Variants in EPHA7 observed in about 807,000 individuals in gnomAD.
EPHA7 encodes the protein EPH receptor A7, also known as ephrin type-A receptor 7.
EPHA7 carries 25 observed loss-of-function variants against 112.6 expected under a neutral mutation model. The ratio of observed to expected loss-of-function variants is 0.22; its 90% CI spans 0.16 to 0.31. The LOEUF (loss-of-function observed/expected upper bound fraction) is 0.31. Among genes scored for constraint, EPHA7 ranks in the 10% least tolerant of loss-of-function variants. The pLI is 1.00. For missense variants in EPHA7, 962 were observed against 1,212.6 expected, an observed-to-expected ratio of 0.79 and a Z score of 3.07; for synonymous variants, 437 against 406.5, an observed-to-expected ratio of 1.07 and a Z score of -0.90.
intron 5 of EPHA7, among the ~76,000 whole-genome samples, chr6:93,297,468 T>C (rs1772730474): frequency 6.6e-6 from 1 of 152,166 alleles, no homozygotes; most frequent in Non-Finnish European, 1.5e-5. Flanking sequence ...CCACATTTCA[T>C]AAGAATAAGT....
intron 5 of EPHA7, among the ~76,000 whole-genome samples, chr6:93,348,448 A>C (rs1328358970): frequency 6.6e-6 from 1 of 151,884 alleles, no homozygotes; most frequent in Non-Finnish European, 1.5e-5. Context: ...TCAATGTTAT[A>C]TAAAAGATAT....
intron 7 of EPHA7, among the ~76,000 whole-genome samples, chr6:93,266,035 T>C (rs889296442): frequency 1.3e-5 from 2 of 151,646 alleles, no homozygotes; most frequent in Non-Finnish European, 3.0e-5. Context: ...ATACACATTC[T>C]CTAATTTATC....
chr6:93,397,136 T>C (rs528436989), intron 3 of EPHA7, among the ~76,000 whole-genome samples: 1 of 151,842 alleles, frequency 6.6e-6, no homozygotes, highest in African/African-American at 2.4e-5. Context: ...GTATACTTAC[T>C]AAGGTGGAGA....
chr6:93,277,065 T>C (rs190083858), intron 5 of EPHA7, among the ~76,000 whole-genome samples: 1 of 152,186 alleles, frequency 6.6e-6, no homozygotes, highest in Admixed American at 6.5e-5. Context: ...ATCTCTGGAA[T>C]ACAGTCAAGG....
At chr6:93,304,862 G>C (rs1326315518) in intron 5 of EPHA7, among the ~76,000 whole-genome samples, 1 of 151,962 alleles carries the variant, frequency 6.6e-6, no homozygotes, top group Admixed American at 6.6e-5. Context: ...GTTCTGTTTG[G>C]AAGATTCTTT....
chr6:93,395,049 T>C (rs1241525666), intron 3 of EPHA7, among the ~76,000 whole-genome samples: 1 of 151,824 alleles, frequency 6.6e-6, no homozygotes, highest in African/African-American at 2.4e-5. Context: ...TACAGTACTA[T>C]GGAAAATCCT....
intron 3 of EPHA7, among the ~76,000 whole-genome samples, chr6:93,363,745 C>T (rs1339318232): frequency 6.6e-6 from 1 of 152,130 alleles, no homozygotes; most frequent in African/African-American, 2.4e-5. Flanking sequence ...AACATACATG[C>T]ACACAAAAAC....
At chr6:93,413,583 T>C (rs1433256943) in intron 2 of EPHA7, among the ~76,000 whole-genome samples, 3 of 151,946 alleles carry the variant, frequency 2.0e-5, no homozygotes, top group African/African-American at 7.2e-5. Flanking sequence ...AAAGGTGTTA[T>C]ATTCATACCT....
chr6:93,295,120 G>A (rs1053267669), intron 5 of EPHA7, among the ~76,000 whole-genome samples: 14 of 151,834 alleles, frequency 9.2e-5, no homozygotes, highest in Admixed American at 9.2e-4. Context: ...GGGAGAGAGA[G>A]AGAGATCAAC....
intron 5 of EPHA7, among the ~76,000 whole-genome samples, chr6:93,300,210 T>C (rs370824464): frequency 6.6e-6 from 1 of 152,178 alleles, no homozygotes; most frequent in East Asian, 1.9e-4. Context: ...TGCTTAAATA[T>C]ACATGATTAA....
At chr6:93,261,777 A>G (rs1281881644) in intron 9 of EPHA7, among the ~76,000 whole-genome samples, 1 of 151,640 alleles carries the variant, frequency 6.6e-6, no homozygotes, top group East Asian at 1.9e-4. Context: ...TATCTTGTCT[A>G]TATTAGCAAG....
intron 5 of EPHA7, among the ~76,000 whole-genome samples, chr6:93,316,391 A>G (rs868576909): frequency 6.6e-6 from 1 of 152,178 alleles, no homozygotes; most frequent in Non-Finnish European, 1.5e-5. Context: ...ATTTACTTGT[A>G]GAATCAACCT....
chr6:93,241,948 TG>T lies in EPHA7; in HGVS notation c.*1477del. ...AACAAGACCAATTATGACCGATCCC[TG>T]GGATCTTTCTCTATTAAAATCATTA... On this transcript the variant is annotated 3_prime_UTR_variant, in exon 17 of 17. Transcript: ENST00000369303. 4.6e-6 allele frequency: 1 copy of T among 215,356 alleles called. No individual in the cohort carries two copies. The highest frequency in any genetic ancestry group is 9.4e-6 in the Non-Finnish European group (1 of 106,518). The allele number at this position is 215,356 out of a possible 1,614,324, so 13.3% of individuals were successfully genotyped here. A position where few individuals can be genotyped will look rare whatever the true frequency, so the allele number is the denominator to read the frequency against.
At chr6:93,322,333 G>A (rs1488046996) in intron 5 of EPHA7, among the ~76,000 whole-genome samples, 1 of 151,598 alleles carries the variant, frequency 6.6e-6, no homozygotes, top group Non-Finnish European at 1.5e-5. Context: ...TTAAAATTTA[G>A]GAAGAAATAT....
intron 5 of EPHA7, among the ~76,000 whole-genome samples, chr6:93,346,736 T>G (rs1775424402): frequency 6.6e-6 from 1 of 151,816 alleles, no homozygotes; most frequent in South Asian, 2.1e-4. Context: ...AAAGAGCATG[T>G]GGTCCAGTTA....
Position 93,240,192 on chromosome 6 carries a change from C to T in EPHA7, c.*3234G>A. ...GTAGTATTTCTTAGGCAAGGAGGGA[C>T]AAATTCAACCAACGAAAAGCACATC... On this transcript the variant is annotated 3_prime_UTR_variant, in exon 17 of 17. Coordinates refer to ENST00000369303, the MANE Select transcript of EPHA7 (RefSeq NM_004440.4). 1 of 223,230 alleles carries T rather than the reference C, an allele frequency of 4.5e-6. No homozygotes were observed. The allele number at this position is 223,230 out of a possible 1,614,324, so 13.8% of individuals were successfully genotyped here.
intron 7 of EPHA7, among the ~76,000 whole-genome samples, chr6:93,268,709 A>T (rs1175733568): frequency 6.6e-6 from 1 of 151,746 alleles, no homozygotes; most frequent in East Asian, 1.9e-4. Context: ...CTGACAGCAA[A>T]TGGGGACATC....
intron 5 of EPHA7, among the ~76,000 whole-genome samples, chr6:93,301,337 T>G (rs552447027): frequency 6.6e-6 from 1 of 152,288 alleles, no homozygotes; most frequent in East Asian, 1.9e-4. Context: ...TAGATATCTA[T>G]TACTTAAAAT....
Position 93,258,109 on chromosome 6 carries a change from A to G in EPHA7, c.2100T>C (p.Val700=), listed in dbSNP as rs751802966. 1 of 1,612,888 alleles carries G rather than the reference A, an allele frequency of 6.2e-7. No individual in the cohort carries two copies. The highest frequency in any genetic ancestry group is 8.5e-7 in the Non-Finnish European group (1 of 1,179,386). Residue 700 remains valine, a synonymous_variant, in exon 11 of 17, where the codon GTT becomes GTC. Transcript: ENST00000369303. ...DHPNVVHLEG[V]VTRGKPVMIV... ...ATAACCAATATCTACCTCTTGTAAC[A>G]ACCCCTTCCAAATGGACAACATTCG...
Sources: allele counts gnomAD v4.1 joint callset (sites outside exome capture counted in the v4.1 genomes callset), GRCh38; gene constraint gnomAD v4.1.1; transcripts MANE v1.5; gene names NCBI Gene and HGNC (gene_info 2026-07-23, HGNC 2026-07-21).